Variants in NTM observed in about 807,000 individuals in gnomAD.
NTM encodes neurotrimin, also known as IgLON family member 2.
NTM carries 13 observed loss-of-function variants against 42.1 expected under a neutral mutation model. The observed-to-expected ratio is 0.31, with a 90% CI of 0.20 to 0.49. The LOEUF is 0.49. NTM is among the 20% of genes least tolerant of loss of function. The pLI is 0.99. For synonymous variants in NTM, 187 were observed against 179.2 expected, an observed-to-expected ratio of 1.04 and a Z score of -0.35; for missense variants, 373 against 452.8, an observed-to-expected ratio of 0.82 and a Z score of 1.60.
At chr11:131,389,050 G>GAAAAGAAAAGAAAAGAAAAGAAAAGA (rs1555097661) in intron 1 of NTM, among the ~76,000 whole-genome samples, 1 of 100,170 alleles carries the variant, frequency 1.0e-5, no homozygotes, top group Admixed American at 1.1e-4. Context: ...AAAAGAAAAG[G>GAAAAGAAAAGAAAAGAAAAGAAAAGA]AAAAAGAAAG....
intron 1 of NTM, among the ~76,000 whole-genome samples, chr11:131,659,144 T>C (rs1215310688): frequency 6.6e-6 from 1 of 152,152 alleles, no homozygotes; most frequent in Non-Finnish European, 1.5e-5. Context: ...TGATGTCTCA[T>C]TGGCAGACCA....
chr11:131,562,969 G>A (rs527743225), intron 1 of NTM, among the ~76,000 whole-genome samples: 1 of 152,136 alleles, frequency 6.6e-6, no homozygotes, highest in Admixed American at 6.5e-5. Context: ...GGCCCCAGGG[G>A]GAGAAGATGC....
intron 1 of NTM, 28 bp downstream of exon 1, chr11:131,370,916 G>C (rs373117733): frequency 6.2e-7 from 1 of 1,612,396 alleles, no homozygotes; most frequent in African/African-American, 1.3e-5. Flanking sequence ...ATTTGCCTTC[G>C]GTAGACCCAG....
chr11:131,374,156 G>T lies in NTM; in HGVS notation c.82+3268G>T, dbSNP rs139274508. Among the ~76,000 whole-genome samples the T allele has an allele frequency of 6.8e-3, 1,035 of 152,328 alleles. 4 individuals carry two copies. Among genetic ancestry groups the T allele is most frequent in the Non-Finnish European group, 0.01 (688 of 68,034 alleles). On this transcript the variant is annotated intron_variant, in intron 1 of 8. Transcript: ENST00000683400. ...GGGCTCTTGGAAGCATGGCAGTAAG[G>T]GGAGGGCGTCAGGGAGCCTCATCGA...
At chr11:131,893,554 G>A (rs1014192800) in intron 1 of NTM, among the ~76,000 whole-genome samples, 1 of 152,230 alleles carries the variant, frequency 6.6e-6, no homozygotes, top group Non-Finnish European at 1.5e-5. Flanking sequence ...GGCAGAAGAC[G>A]TGTGGACACA....
chr11:131,715,894 A>G (rs777310345), intron 1 of NTM, among the ~76,000 whole-genome samples: 2 of 152,240 alleles, frequency 1.3e-5, no homozygotes, highest in African/African-American at 4.8e-5. Context: ...TATGCATTCA[A>G]TGATTGGTGT....
intron 3 of NTM, among the ~76,000 whole-genome samples, chr11:132,202,122 C>A (rs559484231): frequency 6.6e-6 from 1 of 152,210 alleles, no homozygotes; most frequent in South Asian, 2.1e-4. Flanking sequence ...TGCTTGTATA[C>A]ATTTTGGCTG....
intron 1 of NTM, among the ~76,000 whole-genome samples, chr11:131,581,465 A>T (rs2458765): frequency 0.27 from 41,112 of 152,114 alleles, 7,578 homozygotes; most frequent in African/African-American, 0.52. Context: ...GGATCGGTAA[A>T]ATAAAATGAG....
chr11:132,126,416 T>C (rs565188970), intron 2 of NTM, among the ~76,000 whole-genome samples: 1 of 152,014 alleles, frequency 6.6e-6, no homozygotes, highest in East Asian at 1.9e-4. Flanking sequence ...TTCTTTTCTG[T>C]GATAAGTGGG....
At chr11:132,305,287 C>A (rs926945701) in intron 4 of NTM, among the ~76,000 whole-genome samples, 1 of 152,206 alleles carries the variant, frequency 6.6e-6, no homozygotes, top group Non-Finnish European at 1.5e-5. Context: ...CAGAGAACCT[C>A]TGTCTTTTTG....
chr11:131,958,789 C>A (rs559349480), intron 2 of NTM, among the ~76,000 whole-genome samples: 1 of 152,264 alleles, frequency 6.6e-6, no homozygotes, highest in African/African-American at 2.4e-5. Context: ...ACTACTCTCG[C>A]GAGTTCTTGC....
intron 3 of NTM, among the ~76,000 whole-genome samples, chr11:132,178,725 A>G (rs1157565547): frequency 6.6e-6 from 1 of 152,202 alleles, no homozygotes; most frequent in African/African-American, 2.4e-5. Context: ...TTCATCATTT[A>G]TCTCCCAAGA....
At chr11:132,190,953 T>TG (rs2079217705) in intron 3 of NTM, among the ~76,000 whole-genome samples, 2 of 152,058 alleles carry the variant, frequency 1.3e-5, no homozygotes, top group Admixed American at 1.3e-4. Flanking sequence ...TGTTTTTTTT[T>TG]GTCATTTTGC....
At chr11:132,167,582 C>A (rs980466195) in intron 3 of NTM, among the ~76,000 whole-genome samples, 2 of 152,168 alleles carry the variant, frequency 1.3e-5, no homozygotes, top group African/African-American at 4.8e-5. Flanking sequence ...ATGTATCTTG[C>A]CTGAGGCTTC....
intron 1 of NTM, among the ~76,000 whole-genome samples, chr11:131,533,436 G>A (rs2051613426): frequency 6.6e-6 from 1 of 152,148 alleles, no homozygotes; most frequent in Non-Finnish European, 1.5e-5. Context: ...GAGAGAATGG[G>A]GTAGACGTCT....
chr11:132,135,541 G>T (rs931522647), intron 2 of NTM, among the ~76,000 whole-genome samples: 1 of 152,232 alleles, frequency 6.6e-6, no homozygotes, highest in African/African-American at 2.4e-5. Context: ...AAGCCAAGTG[G>T]AGGCTCGATT....
At chr11:131,789,428 AG>A (rs199856040) in intron 1 of NTM, among the ~76,000 whole-genome samples, 3,927 of 17,434 alleles carry the variant, frequency 0.23, 1,266 homozygotes, top group East Asian at 0.71. Flanking sequence ...AAAAAGAAGA[AG>A]GAAGAAGAAG....
chr11:131,987,142 G>A (rs1187919787), intron 2 of NTM, among the ~76,000 whole-genome samples: 3 of 152,116 alleles, frequency 2.0e-5, no homozygotes, highest in Admixed American at 6.5e-5. Context: ...TGCACTAAAA[G>A]GCAGTTATTT....
At chr11:132,083,671 T>C (rs1324469883) in intron 2 of NTM, among the ~76,000 whole-genome samples, 1 of 152,252 alleles carries the variant, frequency 6.6e-6, no homozygotes, top group Admixed American at 6.5e-5. Context: ...TTATTGGCTC[T>C]GCAAGTTGAG....
Sources: gnomAD v4.1 joint callset for allele counts (sites outside exome capture counted in the v4.1 genomes callset) on GRCh38, gnomAD v4.1.1 for gene constraint, MANE v1.5 for transcripts, NCBI Gene and HGNC (gene_info 2026-07-23, HGNC 2026-07-21) for gene names.